SLC11A2: variants seen among roughly 807,000 people sequenced by gnomAD.
SLC11A2 encodes natural resistance-associated macrophage protein 2.
A neutral mutation model predicts 68.0 loss-of-function variants in SLC11A2; 38 were observed. The ratio of observed to expected loss-of-function variants is 0.56; its 90% CI spans 0.43 to 0.73. The LOEUF (loss-of-function observed/expected upper bound fraction) is 0.73, where lower values mean the gene tolerates loss of function less well. Among genes scored for constraint, SLC11A2 ranks in the 30% least tolerant of loss-of-function variants. The probability of loss-of-function intolerance (pLI) is 0.00; values close to 1 mark genes in which losing one functional copy is unlikely to be tolerated. For synonymous variants in SLC11A2, 242 were observed against 250.6 expected (o/e 0.97, Z 0.32); for missense variants, 517 against 690.5 (o/e 0.75, Z 2.82).
chr12:51,023,542 C>A (rs530335560), intron 1 of SLC11A2, among the ~76,000 whole-genome samples: 1 of 152,134 alleles, frequency 6.6e-6, no homozygotes, highest in African/African-American at 2.4e-5. Context: ...ATGCCCCTAC[C>A]TTTTTTCCCA....
intron 1 of SLC11A2, among the ~76,000 whole-genome samples, chr12:51,021,294 T>C (rs1437402617): frequency 1.3e-5 from 2 of 152,086 alleles, no homozygotes; most frequent in Non-Finnish European, 2.9e-5. Context: ...GCCCTAGTAA[T>C]AATCTCAAAA....
chr12:51,001,939 G>C (rs979058157), intron 5 of SLC11A2, among the ~76,000 whole-genome samples: 2 of 152,284 alleles, frequency 1.3e-5, no homozygotes, highest in Admixed American at 1.3e-4. Context: ...TTGGAACTGG[G>C]TGGCATATAA....
chr12:50,986,212 T>A lies in SLC11A2; in HGVS notation c.*2113A>T. 7.8e-7 allele frequency: 1 copy of A among 1,283,596 alleles called. No individual in the cohort carries two copies. The highest frequency in any genetic ancestry group is 1.2e-5 in the South Asian group (1 of 80,864). The allele number at this position is 1,283,596 out of a possible 1,614,324, so 79.5% of individuals were successfully genotyped here. A position where few individuals can be genotyped will look rare whatever the true frequency, so the allele number is the denominator to read the frequency against. ...AACCAATTTATATAAAGTACAATTG[T>A]ATATCCTTAAACATTCCACATAAAC... On this transcript the variant is annotated 3_prime_UTR_variant, in exon 16 of 16. Transcript: ENST00000262052.
At chr12:50,978,544 T>G, downstream of SLC11A2, among the ~76,000 whole-genome samples, 1 of 148,342 alleles carries the variant, frequency 6.7e-6, no homozygotes, top group Admixed American at 6.7e-5. Context: ...CTAATGTAAA[T>G]GACGAGTTAA....
intron 8 of SLC11A2, among the ~76,000 whole-genome samples, chr12:50,997,706 G>T (rs1422155058): frequency 7.7e-5 from 2 of 26,016 alleles, no homozygotes; most frequent in African/African-American, 1.1e-4. Flanking sequence ...AAAAAAAAAA[G>T]GCCAGGCATG....
In SLC11A2 at chr12:51,007,572, T is replaced by C. The variant is rs564242931; in HGVS notation, c.183+904A>G. Among the ~76,000 whole-genome samples the C allele has an allele frequency of 2.0e-5, 3 of 152,188 alleles. No individual in the cohort carries two copies. In the South Asian group the frequency reaches 6.2e-4, roughly 32 times the overall value. ...CTGGTCTTGAACTCCTAACCTCAGG[T>C]GATCTGCCCATCTCGGCCTCCCAAA... On this transcript the variant is annotated intron_variant, in intron 3 of 15. Transcript: ENST00000262052.
At chr12:51,013,237 C>T (rs377503760) in intron 1 of SLC11A2, among the ~76,000 whole-genome samples, 1 of 151,554 alleles carries the variant, frequency 6.6e-6, no homozygotes, top group African/African-American at 2.4e-5. Flanking sequence ...AGTATAATAA[C>T]TCAAGTTTCC....
chr12:51,008,444 A>G (rs1942938992), intron 3 of SLC11A2, 32 bp downstream of exon 3: 1 of 1,594,336 alleles, frequency 6.3e-7, no homozygotes. Context: ...TCCCCAGACA[A>G]TAGTGTTCTC....
the SLC11A2 span, among the ~76,000 whole-genome samples, chr12:50,960,717 C>G: frequency 6.6e-6 from 1 of 151,976 alleles, no homozygotes; most frequent in African/African-American, 2.4e-5. Context: ...GGGTCTCACT[C>G]TGTCAACCAG....
At chr12:50,957,183 T>C in the SLC11A2 span, among the ~76,000 whole-genome samples, 1 of 151,994 alleles carries the variant, frequency 6.6e-6, no homozygotes, top group African/African-American at 2.4e-5. Flanking sequence ...ATTCCAAACA[T>C]GCTATCCACA....
chr12:50,995,480 G>A, intron 10 of SLC11A2, 149 bp downstream of exon 10: 1 of 829,100 alleles, frequency 1.2e-6, no homozygotes. Context: ...ACTCTGACTG[G>A]TGCACAGTGA....
At chr12:51,020,416 T>C (rs1048501374) in intron 1 of SLC11A2, among the ~76,000 whole-genome samples, 11 of 152,164 alleles carry the variant, frequency 7.2e-5, no homozygotes, top group Non-Finnish European at 1.5e-4. Context: ...GTGTACTTCA[T>C]GGTAAACAGT....
the SLC11A2 span, among the ~76,000 whole-genome samples, chr12:50,965,032 T>C: frequency 6.6e-6 from 1 of 152,124 alleles, no homozygotes; most frequent in African/African-American, 2.4e-5. Context: ...CACTCTGGCA[T>C]CTTTGAAGTC....
intron 8 of SLC11A2, 150 bp downstream of exon 8, chr12:50,999,024 A>G (rs954384030): frequency 7.5e-6 from 5 of 665,806 alleles, no homozygotes; most frequent in African/African-American, 1.8e-5. Flanking sequence ...ATTCCTTTAA[A>G]ATTGGCCCAG....
chr12:50,960,658 T>G, the SLC11A2 span, among the ~76,000 whole-genome samples: 4 of 152,064 alleles, frequency 2.6e-5, 1 homozygote, highest in South Asian at 8.3e-4. Context: ...ACTTGAAAAT[T>G]CTTGCCTGCT....
chr12:50,970,889 T>G, the SLC11A2 span, among the ~76,000 whole-genome samples: 1 of 151,818 alleles, frequency 6.6e-6, no homozygotes, highest in South Asian at 2.1e-4. Context: ...TATTTTATTT[T>G]ATTTTTTGAG....
intron 1 of SLC11A2, among the ~76,000 whole-genome samples, chr12:51,012,941 C>T (rs532445671): frequency 6.6e-6 from 1 of 152,336 alleles, no homozygotes; most frequent in African/African-American, 2.4e-5. Flanking sequence ...AGTAGCAGTA[C>T]TCACTTGGAT....
chr12:50,955,764 T>C, the SLC11A2 span, among the ~76,000 whole-genome samples: 1 of 152,170 alleles, frequency 6.6e-6, no homozygotes, highest in African/African-American at 2.4e-5. Context: ...TTCCTTAGCA[T>C]TTTTAGTTAA....
downstream of SLC11A2, chr12:50,979,265 A>G (rs1939899155): frequency 6.6e-6 from 1 of 152,228 alleles, no homozygotes; most frequent in African/African-American, 2.4e-5. Flanking sequence ...CTTTATTATG[A>G]CATTTTCTGA....
Sources: gnomAD v4.1 joint callset for allele counts (sites outside exome capture counted in the v4.1 genomes callset) on GRCh38, gnomAD v4.1.1 for gene constraint, MANE v1.5 for transcripts, NCBI Gene and HGNC (gene_info 2026-07-23, HGNC 2026-07-21) for gene names.